TANC2: variants seen among roughly 807,000 people sequenced by gnomAD.
TANC2 encodes tetratricopeptide repeat, ankyrin repeat and coiled-coil containing 2.
TANC2 carries 26 observed loss-of-function variants against 210.5 expected under a neutral mutation model. The ratio of observed to expected loss-of-function variants is 0.12; its 90% CI spans 0.09 to 0.17. The LOEUF (loss-of-function observed/expected upper bound fraction) is 0.17, where lower values mean the gene tolerates loss of function less well. Ranked by LOEUF, TANC2 falls within the 10% of genes least tolerant of loss-of-function variation. TANC2 has a pLI of 1.00. For missense variants in TANC2, 2,129 were observed against 2,608.9 expected (o/e 0.82, Z 4.01); for synonymous variants, 931 against 967.1 (o/e 0.96, Z 0.69).
chr17:63,336,552 T>C (rs1464830044), intron 11 of TANC2, among the ~76,000 whole-genome samples: 10 of 152,250 alleles, frequency 6.6e-5, no homozygotes, highest in Non-Finnish European at 2.9e-5. Flanking sequence ...CAAGGCTGTA[T>C]TGACTTCTAG....
At chr17:63,088,980 A>G (rs543294863) in intron 3 of TANC2, 107 of 152,304 alleles carry the variant, frequency 7.0e-4, no homozygotes, top group African/African-American at 2.5e-3. Context: ...TTTCATTCAT[A>G]GAATTTATTT....
chr17:63,190,664 G>GA (rs1475263825), intron 5 of TANC2, among the ~76,000 whole-genome samples: 1 of 152,030 alleles, frequency 6.6e-6, no homozygotes, highest in Non-Finnish European at 1.5e-5. Context: ...GATTGATTTG[G>GA]GGAGTATTGA....
At chr17:63,380,726 T>C (rs2047579843) in intron 15 of TANC2, among the ~76,000 whole-genome samples, 1 of 152,166 alleles carries the variant, frequency 6.6e-6, no homozygotes, top group Admixed American at 6.5e-5. Context: ...ATGAAACCAT[T>C]GTCTTCAGAG....
chr17:63,207,241 A>T (rs1255746384), intron 7 of TANC2, among the ~76,000 whole-genome samples: 2 of 119,792 alleles, frequency 1.7e-5, no homozygotes, highest in African/African-American at 3.3e-5. Context: ...TTTGAGACAG[A>T]GTCTCGCACT....
At chr17:63,008,005 T>C (rs2033699234) in intron 1 of TANC2, among the ~76,000 whole-genome samples, 1 of 135,062 alleles carries the variant, frequency 7.4e-6, no homozygotes, top group Non-Finnish European at 1.6e-5. Flanking sequence ...TTTTTTTTTT[T>C]CAGAATTTTT....
chr17:63,090,387 G>A (rs111995997), intron 3 of TANC2, among the ~76,000 whole-genome samples: 4,478 of 151,662 alleles, frequency 0.03, 82 homozygotes, highest in South Asian at 0.038. Flanking sequence ...AACAGGCCCC[G>A]GTGTGTGATG....
chr17:62,982,511 A>G (rs767160028), intron 1 of TANC2, among the ~76,000 whole-genome samples: 6 of 152,064 alleles, frequency 3.9e-5, no homozygotes, highest in Admixed American at 2.6e-4. Context: ...ATTTACCTCA[A>G]CCATTCACTC....
At chr17:63,047,023 A>T (rs561610365) in intron 2 of TANC2, among the ~76,000 whole-genome samples, 1 of 152,284 alleles carries the variant, frequency 6.6e-6, no homozygotes, top group African/African-American at 2.4e-5. Flanking sequence ...AGGGAGTAAG[A>T]GGTTTCTTGT....
At chr17:63,223,510 C>G (rs931359942) in intron 7 of TANC2, among the ~76,000 whole-genome samples, 4 of 152,026 alleles carry the variant, frequency 2.6e-5, no homozygotes, top group Non-Finnish European at 5.9e-5. Context: ...GAAGCAGGAG[C>G]AACAGCAGAC....
chr17:63,314,023 G>A (rs1176348005), intron 9 of TANC2, among the ~76,000 whole-genome samples: 1 of 152,162 alleles, frequency 6.6e-6, no homozygotes, highest in Non-Finnish European at 1.5e-5. Flanking sequence ...AGGTTATCCC[G>A]TGGCGTAGCA....
At chr17:63,004,830 C>T in intron 1 of TANC2, 1 of 306,224 alleles carries the variant, frequency 3.3e-6, no homozygotes, top group Non-Finnish European at 6.4e-6. Flanking sequence ...TACCAAGGGC[C>T]TTTTTTGGCT....
At chr17:63,343,036 G>A (rs1186773294) in intron 12 of TANC2, among the ~76,000 whole-genome samples, 1 of 152,110 alleles carries the variant, frequency 6.6e-6, no homozygotes. Flanking sequence ...AAATTTATTA[G>A]AGTGACCCAA....
intron 9 of TANC2, among the ~76,000 whole-genome samples, chr17:63,280,539 C>T (rs1028317278): frequency 6.6e-6 from 1 of 151,984 alleles, no homozygotes; most frequent in Non-Finnish European, 1.5e-5. Flanking sequence ...GAGTCCTTCC[C>T]ACCATCCTTT....
chr17:63,234,514 G>A (rs2042567371), intron 7 of TANC2, among the ~76,000 whole-genome samples: 1 of 152,134 alleles, frequency 6.6e-6, no homozygotes, highest in Admixed American at 6.6e-5. Context: ...AGGGTCTCCT[G>A]AATGTTCACT....
chr17:63,051,678 T>C (rs1042527892), intron 2 of TANC2, among the ~76,000 whole-genome samples: 2 of 152,172 alleles, frequency 1.3e-5, no homozygotes, highest in African/African-American at 2.4e-5. Flanking sequence ...AAGTGATGCA[T>C]GTATAGTAGA....
In TANC2 at chr17:63,103,721, T is replaced by C. The variant is rs140384889; in HGVS notation, c.322+4364T>C. Among the ~76,000 whole-genome samples the C allele has an allele frequency of 7.9e-5, 12 of 152,356 alleles. No homozygotes were observed. The East Asian group carries it at 2.3e-3, about 29-fold the overall frequency. Reference sequence around the variant, plus strand: ...GTTGAGAAATTTGTAAAAATTGCTTTTCATGTTAGATACCAGTGGGAACTT... The same window carrying C: ...GTTGAGAAATTTGTAAAAATTGCTTCTCATGTTAGATACCAGTGGGAACTT... On this transcript the variant is annotated intron_variant, in intron 4 of 27. Coordinates refer to ENST00000689528, the Ensembl canonical transcript of TANC2.
At chr17:63,265,935 A>C (rs2043512342) in intron 8 of TANC2, among the ~76,000 whole-genome samples, 1 of 152,206 alleles carries the variant, frequency 6.6e-6, no homozygotes, top group African/African-American at 2.4e-5. Context: ...CTTAGTAATA[A>C]ACTTTTAAAA....
exon 19 of TANC2, chr17:63,398,898 T>C (rs1264786663): frequency 6.3e-7 from 1 of 1,594,394 alleles, no homozygotes; most frequent in Non-Finnish European, 8.5e-7. Context: ...GCTTTGACAG[T>C]CTCTGGGGAG....
At position 63,318,961 on chromosome 17, in the gene TANC2, G is replaced by A. The variant is rs1219859929; in HGVS notation, c.1446G>A (p.Val482=). The change falls in exon 11 of 28, where the codon GTG becomes GTA. Residue 482 remains valine, a synonymous_variant. Coordinates refer to ENST00000689528, the Ensembl canonical transcript of TANC2. ...ATCTAAATCTTTTTAATCCAGATGT[G>A]GATGCCAACAGAGAGCTGCCACTCA... 1.9e-6 allele frequency: 3 copies of A among 1,612,584 alleles called. No homozygotes were observed. The highest frequency in any genetic ancestry group is 2.5e-6 in the Non-Finnish European group (3 of 1,179,818).
Sources: gnomAD v4.1 joint callset for allele counts (sites outside exome capture counted in the v4.1 genomes callset) on GRCh38, gnomAD v4.1.1 for gene constraint, MANE v1.5 for transcripts, NCBI Gene and HGNC (gene_info 2026-07-23, HGNC 2026-07-21) for gene names.